PDS5B: variants seen among roughly 807,000 people sequenced by gnomAD.
PDS5B encodes the protein PDS5 cohesin associated factor B.
PDS5B carries 51 observed loss-of-function variants against 184.1 expected under a neutral mutation model. The observed-to-expected ratio is 0.28, with a 90% CI of 0.22 to 0.35. The LOEUF (loss-of-function observed/expected upper bound fraction) is 0.35. PDS5B is among the 10% of genes least tolerant of loss of function. The pLI is 1.00. For synonymous variants in PDS5B, 566 were observed against 569.2 expected, an observed-to-expected ratio of 0.99 and a Z score of 0.08; for missense variants, 1,180 against 1,723.3, an observed-to-expected ratio of 0.68 and a Z score of 5.58.
chr13:32,718,815 T>C (rs1356609484), intron 19 of PDS5B, among the ~76,000 whole-genome samples: 1 of 152,188 alleles, frequency 6.6e-6, no homozygotes, highest in Non-Finnish European at 1.5e-5. Context: ...ATTTACATTA[T>C]TATGGGAGTA....
At chr13:32,687,952 G>C (rs1951443447) in intron 12 of PDS5B, among the ~76,000 whole-genome samples, 3 of 152,140 alleles carry the variant, frequency 2.0e-5, no homozygotes, top group Non-Finnish European at 4.4e-5. Context: ...AAACTTTATA[G>C]TTGTTTTTAT....
In PDS5B at chr13:32,758,650, C is replaced by T. The variant is rs894291068; in HGVS notation, c.3306C>T (p.Asp1102=). 1 of 1,613,240 alleles carries T rather than the reference C, an allele frequency of 6.2e-7. No homozygotes were observed. The highest frequency in any genetic ancestry group is 8.5e-7 in the Non-Finnish European group (1 of 1,179,500). ...VLPARFFTQP[D]KNFSNTKNYL... Reference sequence around the variant, plus strand: ...CAGCTCGTTTCTTCACTCAACCTGACAAGGTAGTTACTTTACAATTTGTTT... The same window carrying T: ...CAGCTCGTTTCTTCACTCAACCTGATAAGGTAGTTACTTTACAATTTGTTT... Residue 1102 remains aspartate (D), a synonymous_variant, in exon 28 of 35, where the codon GAC becomes GAT. Coordinates refer to ENST00000315596, the MANE Select transcript of PDS5B (RefSeq NM_015032.4).
At chr13:32,716,251 G>A (rs1181688888) in intron 19 of PDS5B, among the ~76,000 whole-genome samples, 5 of 151,832 alleles carry the variant, frequency 3.3e-5, no homozygotes, top group African/African-American at 1.2e-4. Flanking sequence ...CATCTAGGAA[G>A]TGAGGAGTGT....
chr13:32,763,082 T>C (rs1947911964), intron 30 of PDS5B, among the ~76,000 whole-genome samples: 1 of 152,152 alleles, frequency 6.6e-6, no homozygotes. Flanking sequence ...GTCTGTTTAG[T>C]GGGACTGTTT....
Position 32,773,244 on chromosome 13 carries a change from G to A in PDS5B, c.4228G>A (p.Val1410Ile). 6.2e-7 allele frequency: 1 copy of A among 1,613,270 alleles called. No homozygotes were observed. Among genetic ancestry groups the A allele is most frequent in the Non-Finnish European group, 8.5e-7 (1 of 1,179,438 alleles). The change falls in exon 34 of 35, where the codon GTA becomes ATA. Residue 1410 changes from valine (V) to isoleucine (I), a missense_variant. This residue lies in a region of PDS5B where 465 missense variants were observed against 497.8 expected (regional missense o/e 0.93). Coordinates refer to ENST00000315596, the MANE Select transcript of PDS5B (RefSeq NM_015032.4). Reference protein sequence around the residue: ...ATKENDSSEEVDVFQGSSPVD... With the variant: ...ATKENDSSEEIDVFQGSSPVD... ...TAAGGAAAATGATTCAAGTGAAGAA[G>A]TAGATGTGTTTCAGGGTAGCTCTCC...
chr13:32,591,363 C>T (rs9595881), intron 1 of PDS5B, among the ~76,000 whole-genome samples: 50,191 of 151,856 alleles, frequency 0.33, 8,631 homozygotes, highest in Non-Finnish European at 0.38. Context: ...GTGATCCGCC[C>T]GCCTCGGCCT....
intron 1 of PDS5B, among the ~76,000 whole-genome samples, chr13:32,589,121 A>G (rs1011285146): frequency 2.0e-5 from 3 of 152,256 alleles, no homozygotes; most frequent in African/African-American, 4.8e-5. Flanking sequence ...TTAAAGAGCA[A>G]CAAGAAAACT....
rs528915523 is a variant in PDS5B at position 32,681,640 on chromosome 13, A to C, written c.1058-2238A>C. On this transcript the variant is annotated intron_variant, in intron 10 of 34. Transcript: ENST00000315596. ...GACTCAGTCTCAAAAAAAAAAAGTG[A>C]GGCTTTGATTTTTTTTTTTAGTAGT... 9.3e-5 allele frequency among the ~76,000 whole-genome samples: 12 copies of C among 128,974 alleles called. 1 individual carries two copies. The highest frequency in any genetic ancestry group is 7.6e-4 in the Admixed American group (10 of 13,114). 84.6% of individuals were successfully genotyped at this position (128,974 alleles called of 152,430 possible). A position where few individuals can be genotyped will look rare whatever the true frequency, so the allele number is the denominator to read the frequency against.
At chr13:32,773,106 A>T in intron 33 of PDS5B, 83 bp from the exon 34 acceptor site, 1 of 1,177,706 alleles carries the variant, frequency 8.5e-7, no homozygotes, top group South Asian at 1.6e-5. Flanking sequence ...TATGACGATG[A>T]AATACGTGAA....
chr13:32,756,637 A>G (rs1015364833), intron 26 of PDS5B, among the ~76,000 whole-genome samples: 2 of 152,220 alleles, frequency 1.3e-5, no homozygotes, highest in African/African-American at 4.8e-5. Context: ...GGGATTTTTA[A>G]TCAACTAATT....
At chr13:32,655,117 A>G (rs1050076975) in intron 3 of PDS5B, among the ~76,000 whole-genome samples, 7 of 151,616 alleles carry the variant, frequency 4.6e-5, no homozygotes, top group Admixed American at 1.3e-4. Flanking sequence ...GTTTTCCACA[A>G]TGGCTGAACT....
chr13:32,719,499 TA>T (rs1286492753), intron 19 of PDS5B, among the ~76,000 whole-genome samples: 1 of 151,966 alleles, frequency 6.6e-6, no homozygotes. Flanking sequence ...GTATTATTTT[TA>T]AAAAATTCAT....
intron 19 of PDS5B, among the ~76,000 whole-genome samples, chr13:32,710,702 G>A (rs568500959): frequency 6.6e-6 from 1 of 152,260 alleles, no homozygotes; most frequent in East Asian, 1.9e-4. Context: ...CTAGTTCTTG[G>A]AGAGAAGATG....
chr13:32,611,503 C>CTTTTTTTTTTTTTTTTTTTTTT (rs35825698), intron 1 of PDS5B, among the ~76,000 whole-genome samples: 1 of 110,918 alleles, frequency 9.0e-6, no homozygotes, highest in African/African-American at 3.5e-5. Context: ...TTGGTTAAAA[C>CTTTTTTTTTTTTTTTTTTTTTT]TTTTTTTTTT....
intron 14 of PDS5B, among the ~76,000 whole-genome samples, chr13:32,696,093 A>C (rs866024918): frequency 6.6e-6 from 1 of 152,034 alleles, no homozygotes; most frequent in South Asian, 2.1e-4. Context: ...TAATTCTTGA[A>C]CTTTATTACG....
rs376156722 is a variant in PDS5B at position 32,716,334 on chromosome 13, G to C, written c.2123+6228G>C. 1.6e-4 allele frequency among the ~76,000 whole-genome samples: 25 copies of C among 151,978 alleles called. No homozygotes were observed. In the East Asian group the frequency reaches 3.9e-3, roughly 24 times the overall value. On this transcript the variant is annotated intron_variant, in intron 19 of 34. Coordinates refer to ENST00000315596, the MANE Select transcript of PDS5B (RefSeq NM_015032.4). ...TGCCGCCCCATCTGGGATGTGAGGAGCGCCCCTGCCCGGCTGCGACCCCGT... is the reference window on the plus strand; with the variant it reads ...TGCCGCCCCATCTGGGATGTGAGGACCGCCCCTGCCCGGCTGCGACCCCGT...
intron 20 of PDS5B, among the ~76,000 whole-genome samples, chr13:32,733,137 G>C (rs762264285): frequency 6.6e-5 from 10 of 152,158 alleles, no homozygotes; most frequent in Admixed American, 2.0e-4. Context: ...TTAATTTATA[G>C]GAAAGTTTTC....
intron 3 of PDS5B, among the ~76,000 whole-genome samples, chr13:32,654,559 G>A (rs1292156914): frequency 6.6e-6 from 1 of 152,038 alleles, no homozygotes; most frequent in East Asian, 1.9e-4. Context: ...TTTAGGTGCA[G>A]GGGTACATTT....
In PDS5B at chr13:32,742,656, A is replaced by T. The variant is rs199522103; in HGVS notation, c.2541A>T (p.Gly847=). 1 of 1,611,304 alleles carries T rather than the reference A, an allele frequency of 6.2e-7. No homozygotes were observed. The highest frequency in any genetic ancestry group is 1.7e-5 in the Admixed American group (1 of 59,952). ...LGMKNNHSKS[G]TSTLRLLTTI... ...TGAAAAATAATCACAGTAAATCAGGAACTTCTACCTTAAGATTGCTAACAA... is the reference window on the plus strand; with the variant it reads ...TGAAAAATAATCACAGTAAATCAGGTACTTCTACCTTAAGATTGCTAACAA... The change falls in exon 23 of 35, where the codon GGA becomes GGT. Residue 847 remains glycine (G), a synonymous_variant. Coordinates refer to ENST00000315596, the MANE Select transcript of PDS5B (RefSeq NM_015032.4).
Sources: gnomAD v4.1 joint callset for allele counts (sites outside exome capture counted in the v4.1 genomes callset) on GRCh38, gnomAD v4.1.1 for gene constraint, gnomAD v4.1.1 regional missense constraint, MANE v1.5 for transcripts, NCBI Gene and HGNC (gene_info 2026-07-23, HGNC 2026-07-21) for gene names.